The following UBE2Q1 variants were observed in gnomAD, a reference collection of about 807,000 sequenced individuals.
UBE2Q1 encodes ubiquitin conjugating enzyme E2 Q1.
Under a neutral mutation model 60.1 loss-of-function variants are expected in UBE2Q1, and 6 were observed. The ratio of observed to expected loss-of-function variants is 0.10; its 90% CI spans 0.05 to 0.20. UBE2Q1 has a LOEUF of 0.20. UBE2Q1 is among the 10% of genes least tolerant of loss of function. UBE2Q1 has a pLI of 1.00. For missense variants in UBE2Q1, 262 were observed against 525.8 expected, an observed-to-expected ratio of 0.50 and a Z score of 4.91; for synonymous variants, 226 against 208.3, an observed-to-expected ratio of 1.09 and a Z score of -0.73.
intron 6 of UBE2Q1, 54 bp from the exon 7 acceptor site, chr1:154,552,518 C>T: frequency 6.2e-7 from 1 of 1,601,196 alleles, no homozygotes. Context: ...GGTGAGTGGT[C>T]TCTAATGCAG....
chr1:154,550,615 G>A (rs1169032524), intron 12 of UBE2Q1, 146 bp from the exon 13 acceptor site: 2 of 1,509,802 alleles, frequency 1.3e-6, no homozygotes, highest in African/African-American at 2.8e-5. Flanking sequence ...ATGGGAAGCT[G>A]AGAGCCTGCA....
Position 154,552,816 on chromosome 1 carries a change from G to A in UBE2Q1, c.734C>T (p.Ala245Val), listed in dbSNP as rs1313474576. Residue 245 changes from alanine to valine, a missense_variant, in exon 6 of 13, where the codon GCA (alanine) becomes GTA (valine). Ala to Val is a moderately conservative substitution (Grantham distance 64). This residue lies in a region of UBE2Q1 where 111 missense variants were observed against 266.8 expected (regional missense o/e 0.42). Coordinates refer to ENST00000292211, the MANE Select transcript of UBE2Q1 (RefSeq NM_017582.7). ...AGTGGCCTGCACCGAGCCAGACACT[G>A]CACCCTGTGAGGGACGGATGACAGG... Reference protein sequence around the residue: ...KNQRQDYLNGAVSGSVQATDR... With the variant: ...KNQRQDYLNGVVSGSVQATDR... The A allele has an allele frequency of 1.9e-6, 3 of 1,614,070 alleles. No individual in the cohort carries two copies. Among genetic ancestry groups the A allele is most frequent in the Non-Finnish European group, 2.5e-6 (3 of 1,180,028 alleles).
chr1:154,548,898 C>T lies in UBE2Q1; in HGVS notation c.*1540G>A, dbSNP rs557900903. ...CTCTCCATCCACCTAAAGCAGCAAA[C>T]ATTAAAAGTCCCTCAAAAGAAAAGG... On this transcript the variant is annotated 3_prime_UTR_variant, in exon 13 of 13. Coordinates refer to ENST00000292211, the MANE Select transcript of UBE2Q1 (RefSeq NM_017582.7). 4.8e-4 allele frequency: 74 copies of T among 152,724 alleles called. No individual in the cohort carries two copies. The highest frequency in any genetic ancestry group is 1.7e-3 in the African/African-American group (71 of 41,554). The allele number at this position is 152,724 out of a possible 1,614,324, so 9.5% of individuals were successfully genotyped here. A position where few individuals can be genotyped will look rare whatever the true frequency, so the allele number is the denominator to read the frequency against.
chr1:154,552,962 G>A lies in UBE2Q1; in HGVS notation c.729+70C>T, dbSNP rs1695817605. The A allele has an allele frequency of 4.4e-6, 7 of 1,602,120 alleles. No homozygotes were observed. In the African/African-American group the frequency reaches 6.7e-5, roughly 15 times the overall value. On this transcript the variant is annotated intron_variant, in intron 5 of 12. Coordinates refer to ENST00000292211, the MANE Select transcript of UBE2Q1 (RefSeq NM_017582.7). Reference sequence around the variant, plus strand: ...AGGAGTCTGCTCTCCATACTGAGATGCGATGGCCTACTACTTCCCAGCCAT... The same window carrying A: ...AGGAGTCTGCTCTCCATACTGAGATACGATGGCCTACTACTTCCCAGCCAT...
intron 4 of UBE2Q1, among the ~76,000 whole-genome samples, chr1:154,553,938 C>G (rs7539745): frequency 0.79 from 120,494 of 152,146 alleles, 48,136 homozygotes; most frequent in East Asian, 0.89. Flanking sequence ...GAACCTTACA[C>G]GGTTATAGAA....
At position 154,551,007 on chromosome 1, in the gene UBE2Q1, G is replaced by A. The variant is rs1400081676; in HGVS notation, c.1171-3C>T. The A allele has an allele frequency of 6.2e-7, 1 of 1,614,028 alleles. No individual in the cohort carries two copies. The highest frequency in any genetic ancestry group is 1.3e-5 in the African/African-American group (1 of 75,008). ...GCTCTTGTCAGACTGTATTGAGACT[G>A]GGGAGAGGAAGCCACCAGATCAGGC... On this transcript the variant is annotated splice_region_variant and splice_polypyrimidine_tract_variant and intron_variant, in intron 11 of 12. Transcript: ENST00000292211.
intron 4 of UBE2Q1, 79 bp from the exon 5 acceptor site, chr1:154,553,251 G>C: frequency 6.5e-7 from 1 of 1,535,762 alleles, no homozygotes. Flanking sequence ...CACCTTCCCA[G>C]TCCCATTTGG....
At chr1:154,555,293 G>T (rs562215620) in intron 3 of UBE2Q1, 135 bp downstream of exon 3, 1 of 747,184 alleles carries the variant, frequency 1.3e-6, no homozygotes, top group Admixed American at 2.0e-5. Flanking sequence ...AAGAACGAGG[G>T]TGAGAGTCAT....
chr1:154,554,863 G>A, intron 3 of UBE2Q1, 78 bp from the exon 4 acceptor site: 6 of 1,504,768 alleles, frequency 4.0e-6, no homozygotes, highest in Non-Finnish European at 4.5e-6. Flanking sequence ...ACTCCCCTGA[G>A]CCCCCAGGTC....
At chr1:154,554,864 C>T (rs1027829263) in intron 3 of UBE2Q1, 79 bp from the exon 4 acceptor site, 7 of 1,491,852 alleles carry the variant, frequency 4.7e-6, no homozygotes, top group Admixed American at 1.9e-5. Context: ...CTCCCCTGAG[C>T]CCCCAGGTCT....
intron 3 of UBE2Q1, among the ~76,000 whole-genome samples, 178 bp downstream of exon 3, chr1:154,555,250 C>T (rs957627557): frequency 6.6e-6 from 1 of 152,178 alleles, no homozygotes; most frequent in African/African-American, 2.4e-5. Context: ...GCTACCAGTG[C>T]CCCATTTAGC....
chr1:154,552,489 T>A, intron 6 of UBE2Q1, 25 bp from the exon 7 acceptor site: 2 of 1,613,924 alleles, frequency 1.2e-6, no homozygotes, highest in Non-Finnish European at 1.7e-6. Context: ...AAAACAGGTG[T>A]TAGTAGAATG....
rs752992568 is a variant in UBE2Q1, at chr1:154,551,891, G to A, written c.1025+30C>T. On this transcript the variant is annotated intron_variant, in intron 9 of 12. Coordinates refer to ENST00000292211, the MANE Select transcript of UBE2Q1 (RefSeq NM_017582.7). Reference sequence around the variant, plus strand: ...CTCTTCCCCGCCCTCTGCCAGAGGAGATGCCCTCTTCCGCATGCCAGCCAC... The same window carrying A: ...CTCTTCCCCGCCCTCTGCCAGAGGAAATGCCCTCTTCCGCATGCCAGCCAC... 20 of 1,614,174 alleles carry A rather than the reference G, an allele frequency of 1.2e-5. No homozygotes were observed. The South Asian group carries it at 2.2e-4, about 18-fold the overall frequency.
intron 1 of UBE2Q1, among the ~76,000 whole-genome samples, 155 bp from the exon 2 acceptor site, chr1:154,556,119 C>A (rs1330439852): frequency 1.4e-5 from 2 of 140,642 alleles, no homozygotes; most frequent in Non-Finnish European, 3.1e-5. Flanking sequence ...CAGCATCTAA[C>A]CAAGCAGCTT....
chr1:154,552,213 C>T (rs1695801808), intron 7 of UBE2Q1, 30 bp from the exon 8 acceptor site: 1 of 1,613,406 alleles, frequency 6.2e-7, no homozygotes, highest in Middle Eastern at 1.7e-4. Flanking sequence ...GGCTCAGATG[C>T]CTGGTTCCAC....
chr1:154,550,877 G>C, intron 12 of UBE2Q1, 61 bp downstream of exon 12: 1 of 1,613,532 alleles, frequency 6.2e-7, no homozygotes, highest in East Asian at 2.2e-5. Flanking sequence ...CTCTGTGGCT[G>C]GAAGTGAAAA....
Position 154,551,419 on chromosome 1 carries a change from C to T in UBE2Q1, c.1148G>A (p.Arg383Gln). ...ISATLVKGKA[R>Q]VQFGANKSQY... Reference sequence around the variant, plus strand: ...TACTTTGTTGGCTCCAAACTGCACTCGTGCTTTCCCCTTCACCAGTGTGGC... The same window carrying T: ...TACTTTGTTGGCTCCAAACTGCACTTGTGCTTTCCCCTTCACCAGTGTGGC... The change falls in exon 11 of 13, where the codon CGA (arginine) becomes CAA (glutamine). Residue 383 changes from arginine to glutamine, a missense_variant. Around this residue, in one of 5 missense-constraint regions of UBE2Q1, gnomAD observed 22 missense variants for 121.5 expected, o/e 0.18. Transcript: ENST00000292211. The T allele has an allele frequency of 6.2e-7, 1 of 1,614,122 alleles. No individual in the cohort carries two copies. Among genetic ancestry groups the T allele is most frequent in the Non-Finnish European group, 8.5e-7 (1 of 1,180,044 alleles).
At chr1:154,553,730 TG>T (rs907593431) in intron 4 of UBE2Q1, 9 of 153,922 alleles carry the variant, frequency 5.8e-5, no homozygotes, top group African/African-American at 2.2e-4. Context: ...GAGAGATATA[TG>T]GAAGAGGTCA....
intron 1 of UBE2Q1, among the ~76,000 whole-genome samples, chr1:154,556,177 T>G (rs1695884042): frequency 2.0e-5 from 3 of 151,250 alleles, no homozygotes; most frequent in Non-Finnish European, 4.4e-5. Context: ...GGAAGACCCT[T>G]TCCGAGAAGC....
Sources: gnomAD v4.1 joint callset for allele counts (sites outside exome capture counted in the v4.1 genomes callset) on GRCh38, gnomAD v4.1.1 for gene constraint, gnomAD v4.1.1 regional missense constraint, MANE v1.5 for transcripts, NCBI Gene and HGNC (gene_info 2026-07-23, HGNC 2026-07-21) for gene names.